The following PCDHA7 variants were observed in gnomAD, a reference collection of about 807,000 sequenced individuals.
PCDHA7 encodes the protein protocadherin alpha-7.
PCDHA7 carries 37 observed loss-of-function variants against 57.2 expected under a neutral mutation model. The observed-to-expected ratio is 0.65, with a 90% confidence interval of 0.50 to 0.85. PCDHA7 has a LOEUF of 0.85. PCDHA7 is among the 40% of genes least tolerant of loss of function. The pLI is 0.00. For missense variants in PCDHA7, 1,188 were observed against 1,241.8 expected (o/e 0.96, Z 0.65); for synonymous variants, 553 against 558.8 (o/e 0.99, Z 0.15).
intron 1 of PCDHA7, among the ~76,000 whole-genome samples, chr5:140,965,384 A>C (rs1275113616): frequency 6.6e-6 from 1 of 152,222 alleles, no homozygotes; most frequent in Non-Finnish European, 1.5e-5. Flanking sequence ...GGGACACAGA[A>C]GAACAGAAGT....
rs1314333890 is a variant in PCDHA7, at chr5:141,000,908, T to TA, written c.2504-8708dup. ...GGGCAACAGATATAGACGCTGTCTCTAAAAAAAAAAATCCTGTGTGATTTA... is the reference window on the plus strand; with the variant it reads ...GGGCAACAGATATAGACGCTGTCTCTAAAAAAAAAAAATCCTGTGTGATTTA... On this transcript the variant is annotated intron_variant, in intron 3 of 3. Coordinates refer to ENST00000525929, the MANE Select transcript of PCDHA7 (RefSeq NM_018910.3). Among the ~76,000 whole-genome samples the TA allele has an allele frequency of 4.2e-4, 62 of 147,094 alleles. 1 individual carries two copies. Among genetic ancestry groups the TA allele is most frequent in the South Asian group, 3.0e-3 (14 of 4,626 alleles).
At chr5:140,857,153 G>A in intron 1 of PCDHA7, 1 of 1,598,322 alleles carries the variant, frequency 6.3e-7, no homozygotes, top group East Asian at 2.2e-5. Context: ...CACCGTCATT[G>A]CCCTAATCAG....
chr5:140,929,722 T>G (rs558208996), intron 1 of PCDHA7: 1 of 221,696 alleles, frequency 4.5e-6, no homozygotes, highest in Non-Finnish European at 9.4e-6. Flanking sequence ...AGGTGAAACA[T>G]TTACTTAAAC....
At chr5:140,876,660 G>C in intron 1 of PCDHA7, 1 of 1,614,216 alleles carries the variant, frequency 6.2e-7, no homozygotes, top group Non-Finnish European at 8.5e-7. Context: ...TTCCCTTCAA[G>C]CTGGTGTCCA....
At position 141,012,023 on chromosome 5, in the gene PCDHA7, C is replaced by T. The variant is rs1174206729; in HGVS notation, c.*2086C>T. On this transcript the variant is annotated 3_prime_UTR_variant, in exon 4 of 4. Coordinates refer to ENST00000525929, the MANE Select transcript of PCDHA7 (RefSeq NM_018910.3). ...TATTTTGAAGGGTGTGTAACTTCAGCTCTGCAGGATTGCATGGGGTAAAAC... is the reference window on the plus strand; with the variant it reads ...TATTTTGAAGGGTGTGTAACTTCAGTTCTGCAGGATTGCATGGGGTAAAAC... The T allele has an allele frequency of 6.5e-6, 1 of 153,700 alleles. No individual in the cohort carries two copies. The highest frequency in any genetic ancestry group is 1.5e-5 in the Non-Finnish European group (1 of 68,026). The allele number at this position is 153,700 out of a possible 1,614,324, so 9.5% of individuals were successfully genotyped here.
In PCDHA7 at chr5:140,834,626, T is replaced by G; in HGVS notation, c.243T>G (p.Asn81Lys). 1 of 1,614,168 alleles carries G rather than the reference T, an allele frequency of 6.2e-7. No individual in the cohort carries two copies. The highest frequency in any genetic ancestry group is 2.2e-5 in the East Asian group (1 of 44,878). Reference protein sequence around the residue: ...RGDLLEVNLQNGILFVNSRID... With the variant: ...RGDLLEVNLQKGILFVNSRID... ...ATCTTCTGGAGGTAAATCTGCAGAA[T>G]GGCATTTTGTTTGTGAATTCTCGGA... The change falls in exon 1 of 4, where the codon AAT becomes AAG. Residue 81 changes from asparagine (N) to lysine (K), a missense_variant. By Grantham distance (94) the Asn-to-Lys change is moderately conservative (BLOSUM62 0). Transcript: ENST00000525929.
rs2150263388 is a variant in PCDHA7, at chr5:140,836,540, G to C, written c.2157G>C (p.Thr719=). ...TGGTGCTTACCCTGCTGCTGTACAC[G>C]GCGTTGCGGTGCTCAGCGCCGTCCT... is the stretch of plus-strand genomic sequence containing the variant. ...SLLVLTLLLY[T]ALRCSAPSSE... is the part of the protein sequence containing the mutation. The change falls in exon 1 of 4, where the codon ACG becomes ACC. Residue 719 remains threonine (T), a synonymous_variant. Transcript: ENST00000525929. 3.1e-6 allele frequency: 5 copies of C among 1,613,664 alleles called. No homozygotes were observed. Among genetic ancestry groups the C allele is most frequent in the African/African-American group, 1.3e-5 (1 of 74,800 alleles).
At chr5:140,883,987 G>C (rs782597930) in intron 1 of PCDHA7, 4 of 1,612,956 alleles carry the variant, frequency 2.5e-6, no homozygotes, top group Admixed American at 1.7e-5. Context: ...CTGGCAGCGC[G>C]GGAGGCACAG....
At chr5:141,002,565 G>A (rs782803550) in intron 3 of PCDHA7, among the ~76,000 whole-genome samples, 9 of 152,196 alleles carry the variant, frequency 5.9e-5, no homozygotes, top group Non-Finnish European at 2.9e-5. Flanking sequence ...ACCAGTTAGT[G>A]ACCATGTGAC....
intron 1 of PCDHA7, among the ~76,000 whole-genome samples, chr5:140,943,257 C>CAAA (rs1238620023): frequency 1.0e-4 from 8 of 76,640 alleles, no homozygotes; most frequent in Admixed American, 6.0e-4. Context: ...GACTCTGTCT[C>CAAA]AAAAAAAAAA....
chr5:140,990,686 G>A (rs1391341936), intron 3 of PCDHA7, among the ~76,000 whole-genome samples: 1 of 152,124 alleles, frequency 6.6e-6, no homozygotes, highest in Admixed American at 6.5e-5. Context: ...AGCTGCTTTC[G>A]GAGAGTCCAG....
At chr5:140,857,904 T>C in intron 1 of PCDHA7, 2 of 1,597,710 alleles carry the variant, frequency 1.3e-6, no homozygotes, top group South Asian at 1.1e-5. Context: ...GGTGCACGCA[T>C]CCCGTTTCGC....
intron 1 of PCDHA7, chr5:140,876,679 A>T (rs782671923): frequency 2.5e-6 from 4 of 1,614,118 alleles, no homozygotes; most frequent in Non-Finnish European, 3.4e-6. Flanking sequence ...CACCTACAAG[A>T]ATTACTACTC....
At chr5:140,945,091 TAAAC>T (rs1467444609) in intron 1 of PCDHA7, among the ~76,000 whole-genome samples, 2 of 152,110 alleles carry the variant, frequency 1.3e-5, no homozygotes, top group African/African-American at 2.4e-5. Context: ...TTGGAACTAA[TAAAC>T]AAAATAAAGT....
chr5:140,850,319 A>C (rs2150479368), intron 1 of PCDHA7: 1 of 1,597,562 alleles, frequency 6.3e-7, no homozygotes, highest in East Asian at 2.2e-5. Flanking sequence ...CGTGGCTTTC[A>C]TACGAGCTGC....
rs149782026 is a variant in PCDHA7, at chr5:140,944,645, G to A, written c.2356-34304G>A. ...TAGTGTTGTAAGCCAGTGTGGATTG[G>A]GAGTCCATACCCCTTATTTATCTAT... On this transcript the variant is annotated intron_variant, in intron 1 of 3. Coordinates refer to ENST00000525929, the MANE Select transcript of PCDHA7 (RefSeq NM_018910.3). Among the ~76,000 whole-genome samples, 728 of 152,260 alleles carry A rather than the reference G, an allele frequency of 4.8e-3. 7 individuals are homozygous for A. The highest frequency in any genetic ancestry group is 0.017 in the African/African-American group (702 of 41,552).
intron 1 of PCDHA7, among the ~76,000 whole-genome samples, chr5:140,901,060 AT>A (rs542927280): frequency 1.3e-5 from 2 of 151,130 alleles, no homozygotes; most frequent in East Asian, 3.9e-4. Flanking sequence ...AGATTATTAG[AT>A]TTTTTTTTCT....
At chr5:140,862,620 G>C in intron 1 of PCDHA7, 1 of 528,384 alleles carries the variant, frequency 1.9e-6, no homozygotes, top group Non-Finnish European at 3.8e-6. Context: ...GTAACAACCC[G>C]CGGGGCTGCC....
intron 1 of PCDHA7, chr5:140,848,467 A>C: frequency 6.5e-7 from 1 of 1,545,570 alleles, no homozygotes; most frequent in Non-Finnish European, 8.8e-7. Context: ...GGCAATTTTC[A>C]CTAATTAGAA....
Sources: gnomAD v4.1 joint callset for allele counts (sites outside exome capture counted in the v4.1 genomes callset) on GRCh38, gnomAD v4.1.1 for gene constraint, MANE v1.5 for transcripts, NCBI Gene and HGNC (gene_info 2026-07-23, HGNC 2026-07-21) for gene names.